The following SLC3A1 variants were observed in gnomAD, a reference collection of about 807,000 sequenced individuals.
SLC3A1 encodes the protein solute carrier family 3 member 1, also known as amino acid transporter heavy chain SLC3A1.
SLC3A1 carries 78 observed loss-of-function variants against 60.3 expected under a neutral mutation model. The ratio of observed to expected loss-of-function variants is 1.29; its 90% CI spans 1.08 to 1.56. SLC3A1 has a LOEUF of 1.56. Ranked by LOEUF, SLC3A1 falls within the 40% of genes most tolerant of loss-of-function variation. SLC3A1 has a pLI of 0.00. For missense variants in SLC3A1, 1,172 were observed against 858.9 expected (o/e 1.36, Z -4.56); for synonymous variants, 392 against 307.9 (o/e 1.27, Z -2.86).
chr2:44,320,284 G>A lies in SLC3A1; in HGVS notation c.1703G>A (p.Gly568Asp), dbSNP rs748925470. ...LHANELLLNRGWFCHLRNDSH... is the reference protein window; with the variant it reads ...LHANELLLNRDWFCHLRNDSH... ...GCCAATGAGCTACTCCTCAACAGGG[G>A]CTGGTTTTGCCATTTGAGGAATGAC... The change falls in exon 10 of 10, where the codon GGC becomes GAC. Residue 568 changes from glycine (G) to aspartate (D), a missense_variant. Transcript: ENST00000260649. 1 of 1,614,032 alleles carries A rather than the reference G, an allele frequency of 6.2e-7. No homozygotes were observed. The highest frequency in any genetic ancestry group is 1.1e-5 in the South Asian group (1 of 91,078).
chr2:44,291,478 A>G (rs948251575), intron 4 of SLC3A1, among the ~76,000 whole-genome samples: 1 of 152,178 alleles, frequency 6.6e-6, no homozygotes, highest in Admixed American at 6.5e-5. Flanking sequence ...CCCTCATGTG[A>G]TGAATCATTA....
chr2:44,305,840 G>A (rs1291787885), intron 7 of SLC3A1, among the ~76,000 whole-genome samples: 1 of 152,044 alleles, frequency 6.6e-6, no homozygotes, highest in Non-Finnish European at 1.5e-5. Context: ...TGGTCTCATC[G>A]TTTAGGTCTC....
At chr2:44,299,706 A>T (rs1049054082) in intron 4 of SLC3A1, among the ~76,000 whole-genome samples, 6 of 152,204 alleles carry the variant, frequency 3.9e-5, no homozygotes, top group African/African-American at 1.4e-4. Flanking sequence ...CTTTGAAAAC[A>T]TCCTTATAAC....
chr2:44,303,245 A>ATTT lies in SLC3A1; in HGVS notation c.1137-883_1137-881dup, dbSNP rs113167902. On this transcript the variant is annotated intron_variant, in intron 6 of 9. Transcript: ENST00000260649. Reference sequence around the variant, plus strand: ...AACAACCAATATAGACTGAGATCCAATTTTTTTTTTTTTTTTTAAAGACAT... The same window carrying ATTT: ...AACAACCAATATAGACTGAGATCCAATTTTTTTTTTTTTTTTTTTTAAAGACAT... Among the ~76,000 whole-genome samples, 733 of 136,564 alleles carry ATTT rather than the reference A, an allele frequency of 5.4e-3. 8 individuals carry two copies. The highest frequency in any genetic ancestry group is 0.022 in the Middle Eastern group (6 of 274). 89.6% of individuals were successfully genotyped at this position (136,564 alleles called of 152,430 possible).
In SLC3A1 at chr2:44,275,681, G is replaced by A; in HGVS notation, c.146G>A (p.Arg49Lys). ...SSTDNLKHSTRGILGSQEPDF... is the reference protein window; with the variant it reads ...SSTDNLKHSTKGILGSQEPDF... ...ACAGACAACCTGAAGCACAGCACCAGGGGCATCCTTGGCTCCCAGGAGCCC... is the reference window on the plus strand; with the variant it reads ...ACAGACAACCTGAAGCACAGCACCAAGGGCATCCTTGGCTCCCAGGAGCCC... The change falls in exon 1 of 10, where the codon AGG (arginine) becomes AAG (lysine). Residue 49 changes from arginine (R) to lysine (K), a missense_variant. Physicochemically the swap from Arg to Lys is conservative, Grantham distance 26. Coordinates refer to ENST00000260649, the MANE Select transcript of SLC3A1 (RefSeq NM_000341.4). The A allele has an allele frequency of 1.2e-6, 2 of 1,614,088 alleles. No homozygotes were observed. The highest frequency in any genetic ancestry group is 2.2e-5 in the South Asian group (2 of 91,074).
At chr2:44,302,332 A>T (rs1672034109) in intron 6 of SLC3A1, among the ~76,000 whole-genome samples, 1 of 152,236 alleles carries the variant, frequency 6.6e-6, no homozygotes, top group African/African-American at 2.4e-5. Flanking sequence ...AATGTATATA[A>T]AGTAGTGCCT....
chr2:44,297,216 G>A (rs1025057866), intron 4 of SLC3A1, among the ~76,000 whole-genome samples: 1 of 152,192 alleles, frequency 6.6e-6, no homozygotes, highest in African/African-American at 2.4e-5. Flanking sequence ...TACAGCAAGG[G>A]ATGAGAAAAG....
chr2:44,277,355 C>A (rs754809085), intron 1 of SLC3A1, among the ~76,000 whole-genome samples: 1 of 151,992 alleles, frequency 6.6e-6, no homozygotes, highest in Non-Finnish European at 1.5e-5. Flanking sequence ...GATTTGCCCC[C>A]CCTTGGCCTC....
chr2:44,304,628 G>C (rs890270460), intron 7 of SLC3A1, among the ~76,000 whole-genome samples: 3 of 152,072 alleles, frequency 2.0e-5, no homozygotes, highest in Admixed American at 1.3e-4. Flanking sequence ...ATATCTCAGA[G>C]TTTATGATGT....
intron 7 of SLC3A1, among the ~76,000 whole-genome samples, chr2:44,307,437 C>T (rs1041444471): frequency 4.6e-5 from 7 of 152,168 alleles, no homozygotes; most frequent in African/African-American, 1.7e-4. Flanking sequence ...AAAGTAGTTA[C>T]TCCATTTTAC....
At chr2:44,300,293 C>G (rs72802978) in intron 5 of SLC3A1, among the ~76,000 whole-genome samples, 1 of 152,000 alleles carries the variant, frequency 6.6e-6, no homozygotes, top group African/African-American at 2.4e-5. Context: ...CCCTCCAGAG[C>G]GAGGGATCCC....
chr2:44,304,417 C>A, intron 7 of SLC3A1, 79 bp downstream of exon 7: 2 of 1,108,108 alleles, frequency 1.8e-6, no homozygotes, highest in Non-Finnish European at 2.7e-6. Flanking sequence ...TGCAATGGAC[C>A]TTTGTCTCTA....
chr2:44,321,770 A>G (rs1483944028), downstream of SLC3A1: 1 of 1,613,596 alleles, frequency 6.2e-7, no homozygotes, highest in Non-Finnish European at 8.5e-7. Context: ...TGAAAATGTG[A>G]AAACAACATG....
intron 9 of SLC3A1, chr2:44,317,940 AAATG>A (rs1282560376): frequency 3.9e-6 from 1 of 253,498 alleles, no homozygotes; most frequent in African/African-American, 2.4e-5. Context: ...CAAAGAATTA[AAATG>A]AAGATATAGC....
chr2:44,280,450 G>C (rs1671469281), intron 1 of SLC3A1, among the ~76,000 whole-genome samples: 1 of 151,946 alleles, frequency 6.6e-6, no homozygotes, highest in Non-Finnish European at 1.5e-5. Flanking sequence ...TGTTGGCCAG[G>C]ATGGTCTCGA....
chr2:44,301,147 C>T lies in SLC3A1; in HGVS notation c.1136+20C>T, dbSNP rs1221374376. Reference sequence around the variant, plus strand: ...ATACAGGTTGACCACGGCATATGCTCTCATTTCTTCCCAGGCTTAGTGTGT... The same window carrying T: ...ATACAGGTTGACCACGGCATATGCTTTCATTTCTTCCCAGGCTTAGTGTGT... On this transcript the variant is annotated intron_variant, in intron 6 of 9. Coordinates refer to ENST00000260649, the MANE Select transcript of SLC3A1 (RefSeq NM_000341.4). 6.2e-7 allele frequency: 1 copy of T among 1,614,108 alleles called. No homozygotes were observed. The highest frequency in any genetic ancestry group is 8.5e-7 in the Non-Finnish European group (1 of 1,179,968).
At chr2:44,311,989 T>C (rs968378507) in intron 7 of SLC3A1, among the ~76,000 whole-genome samples, 8 of 152,182 alleles carry the variant, frequency 5.3e-5, no homozygotes, top group Non-Finnish European at 1.2e-4. Context: ...TTGTGGGTTA[T>C]GGAGAGAGTT....
intron 2 of SLC3A1, 145 bp from the exon 3 acceptor site, chr2:44,281,242 T>A: frequency 1.7e-6 from 1 of 590,484 alleles, no homozygotes; most frequent in Admixed American, 2.4e-5. Context: ...CACTTCAGCC[T>A]CCACCTCCTG....
intron 4 of SLC3A1, among the ~76,000 whole-genome samples, chr2:44,294,916 G>C (rs534576719): frequency 2.6e-5 from 4 of 152,042 alleles, no homozygotes; most frequent in African/African-American, 9.6e-5. Flanking sequence ...GTTTGTTTTT[G>C]TTTTCTTAAT....
Sources: allele counts gnomAD v4.1 joint callset (sites outside exome capture counted in the v4.1 genomes callset), GRCh38; gene constraint gnomAD v4.1.1; transcripts MANE v1.5; gene names NCBI Gene and HGNC (gene_info 2026-07-23, HGNC 2026-07-21).